CLEC17A: variants seen among roughly 807,000 people sequenced by gnomAD.
The protein encoded by CLEC17A is C-type lectin domain family 17, member A.
Under a neutral mutation model 61.3 loss-of-function variants are expected in CLEC17A, and 37 were observed. That is an observed-to-expected ratio of 0.60 (90% confidence interval 0.46 to 0.79). The LOEUF is 0.79. Among genes scored for constraint, CLEC17A ranks in the 30% least tolerant of loss-of-function variants. CLEC17A has a pLI of 0.00. For synonymous variants in CLEC17A, 168 were observed against 164.9 expected, an observed-to-expected ratio of 1.02 and a Z score of -0.14; for missense variants, 418 against 464.7, an observed-to-expected ratio of 0.90 and a Z score of 0.92.
At chr19:14,592,106 G>T (rs142887515) in intron 3 of CLEC17A, among the ~76,000 whole-genome samples, 175 bp from the exon 4 acceptor site, 58 of 152,244 alleles carry the variant, frequency 3.8e-4, no homozygotes, top group African/African-American at 1.2e-3. Flanking sequence ...GTATACTATC[G>T]CTGGGTGTCC....
At chr19:14,582,959 G>C, upstream of CLEC17A, 2 of 571,458 alleles carry the variant, frequency 3.5e-6, no homozygotes, top group East Asian at 2.9e-5. Context: ...GAAAGGCTCT[G>C]TGTGTATGTG....
upstream of CLEC17A, chr19:14,582,965 ATGTGTGTG>A (rs35999236): frequency 2.9e-5 from 16 of 551,898 alleles, no homozygotes; most frequent in Middle Eastern, 4.7e-4. Context: ...CTCTGTGTGT[ATGTGTGTG>A]TGTGTGTGTG....
Position 14,610,725 on chromosome 19 carries a change from T to C in CLEC17A, c.*529T>C, listed in dbSNP as rs1032524837. 1 of 154,532 alleles carries C rather than the reference T, an allele frequency of 6.5e-6. No individual in the cohort carries two copies. The highest frequency in any genetic ancestry group is 2.4e-5 in the African/African-American group (1 of 41,448). The allele number at this position is 154,532 out of a possible 1,614,324, so 9.6% of individuals were successfully genotyped here. A position where few individuals can be genotyped will look rare whatever the true frequency, so the allele number is the denominator to read the frequency against. ...TTAAAGAGAGGGAGTCTCACTATGTTGCCCAGGCCAGTCTCAAACTCCTTG... is the reference window on the plus strand; with the variant it reads ...TTAAAGAGAGGGAGTCTCACTATGTCGCCCAGGCCAGTCTCAAACTCCTTG... On this transcript the variant is annotated 3_prime_UTR_variant, in exon 14 of 14. Coordinates refer to ENST00000417570, the MANE Select transcript of CLEC17A (RefSeq NM_001204118.2).
intron 12 of CLEC17A, 99 bp from the exon 13 acceptor site, chr19:14,606,893 CG>C (rs1471449411): frequency 2.2e-6 from 1 of 451,278 alleles, no homozygotes; most frequent in Non-Finnish European, 3.6e-6. Context: ...TGGGAGGTGA[CG>C]TTCCCAAGCC....
chr19:14,601,835 C>T (rs1202861384), intron 12 of CLEC17A, among the ~76,000 whole-genome samples: 1 of 152,078 alleles, frequency 6.6e-6, no homozygotes, highest in African/African-American at 2.4e-5. Flanking sequence ...CTCTGTCACC[C>T]AGGCTGGAGT....
At chr19:14,602,743 T>C (rs2074754283) in intron 12 of CLEC17A, among the ~76,000 whole-genome samples, 1 of 150,448 alleles carries the variant, frequency 6.6e-6, no homozygotes, top group Admixed American at 6.6e-5. Context: ...GTTAAACAGT[T>C]TTTTTTTTTT....
intron 3 of CLEC17A, 85 bp from the exon 4 acceptor site, chr19:14,592,196 A>G (rs1372172196): frequency 3.6e-6 from 5 of 1,400,444 alleles, no homozygotes; most frequent in Non-Finnish European, 4.8e-6. Flanking sequence ...AATCCCCATC[A>G]TGGGGCAGCT....
intron 3 of CLEC17A, among the ~76,000 whole-genome samples, chr19:14,591,401 G>T (rs544192028): frequency 6.6e-6 from 1 of 151,542 alleles, no homozygotes; most frequent in Non-Finnish European, 1.5e-5. Flanking sequence ...TGATCTGACT[G>T]CCTCAGTCTC....
rs533320188 is a variant in CLEC17A at position 14,601,229 on chromosome 19, A to G, written c.894+1047A>G. Among the ~76,000 whole-genome samples the G allele has an allele frequency of 2.3e-4, 35 of 152,178 alleles. No individual in the cohort carries two copies. The South Asian group carries it at 6.8e-3, about 30-fold the overall frequency. The stretch of plus-strand genomic sequence containing the variant: ...GGAGGGGTTACTTTATGCTGCGGTA[A>G]CAGACAGTCTCCATAGTCCAATGGT... On this transcript the variant is annotated intron_variant, in intron 12 of 13. Transcript: ENST00000417570.
At chr19:14,587,234 T>A (rs1256084937) in intron 2 of CLEC17A, among the ~76,000 whole-genome samples, 1 of 43,702 alleles carries the variant, frequency 2.3e-5, no homozygotes, top group Non-Finnish European at 4.3e-5. Flanking sequence ...CAGAGAAAGA[T>A]GTGTGTGTGT....
At chr19:14,582,965 A>ATGTGTGTGTGTG (rs35999236), upstream of CLEC17A, 1 of 441,536 alleles carries the variant, frequency 2.3e-6, no homozygotes, top group African/African-American at 2.0e-5. Flanking sequence ...CTCTGTGTGT[A>ATGTGTGTGTGTG]TGTGTGTGTG....
intron 9 of CLEC17A, 24 bp downstream of exon 9, chr19:14,597,037 T>C (rs1210628405): frequency 4.3e-6 from 7 of 1,611,112 alleles, no homozygotes; most frequent in South Asian, 2.2e-5. Context: ...GGAAGGGACA[T>C]GGGGAGAGAT....
chr19:14,583,765 G>C (rs1261197432), intron 2 of CLEC17A, among the ~76,000 whole-genome samples: 1 of 152,116 alleles, frequency 6.6e-6, no homozygotes, highest in Non-Finnish European at 1.5e-5. Flanking sequence ...GGAGAGAACA[G>C]TTAGGTGCAA....
chr19:14,609,060 A>C (rs1000542829), intron 13 of CLEC17A, among the ~76,000 whole-genome samples: 4 of 152,040 alleles, frequency 2.6e-5, no homozygotes, highest in Non-Finnish European at 5.9e-5. Flanking sequence ...TTGGCCTCCC[A>C]AAGTGCTGGG....
intron 12 of CLEC17A, among the ~76,000 whole-genome samples, chr19:14,606,530 A>G (rs2146749633): frequency 6.6e-6 from 1 of 152,100 alleles, no homozygotes; most frequent in Non-Finnish European, 1.5e-5. Context: ...AAATACAAAA[A>G]TTAGCCGGGC....
Position 14,596,864 on chromosome 19 carries a change from C to T in CLEC17A, c.446-12C>T. The stretch of plus-strand genomic sequence containing the variant: ...CAGTATCAGTCTCTCTGTTCCCATC[C>T]CCACTCCCCAGCAACTCCAGTCCCC... On this transcript the variant is annotated splice_polypyrimidine_tract_variant and intron_variant, in intron 8 of 13. Coordinates refer to ENST00000417570, the MANE Select transcript of CLEC17A (RefSeq NM_001204118.2). The T allele has an allele frequency of 6.2e-7, 1 of 1,607,582 alleles. No homozygotes were observed. Among genetic ancestry groups the T allele is most frequent in the Non-Finnish European group, 8.5e-7 (1 of 1,177,520 alleles).
chr19:14,584,151 G>A (rs1249423386), intron 2 of CLEC17A: 2 of 152,122 alleles, frequency 1.3e-5, no homozygotes, highest in Non-Finnish European at 2.9e-5. Context: ...TGAGTCAGTA[G>A]GATCACTTGA....
intron 12 of CLEC17A, 79 bp downstream of exon 12, chr19:14,600,261 C>T: frequency 6.6e-7 from 1 of 1,508,250 alleles, no homozygotes. Context: ...TCCCTCCCTT[C>T]CCTGGATGGC....
chr19:14,590,481 C>T (rs1599537969), intron 3 of CLEC17A, among the ~76,000 whole-genome samples: 1 of 151,700 alleles, frequency 6.6e-6, no homozygotes, highest in Non-Finnish European at 1.5e-5. Flanking sequence ...CTCTGCCTCC[C>T]GGGTTCAAGT....
Sources: allele counts gnomAD v4.1 joint callset (sites outside exome capture counted in the v4.1 genomes callset), GRCh38; gene constraint gnomAD v4.1.1; transcripts MANE v1.5; gene names NCBI Gene and HGNC (gene_info 2026-07-23, HGNC 2026-07-21).